Variants in PHKB observed in about 807,000 individuals in gnomAD.
PHKB encodes phosphorylase kinase regulatory subunit beta.
PHKB carries 122 observed loss-of-function variants against 152.1 expected under a neutral mutation model. The observed-to-expected ratio is 0.80, with a 90% CI of 0.69 to 0.93. PHKB has a LOEUF of 0.93. Among genes scored for constraint, PHKB ranks in the 40% least tolerant of loss-of-function variants. The pLI, the probability that PHKB is intolerant of heterozygous loss-of-function variation, is 0.00. For synonymous variants in PHKB, 436 were observed against 464.9 expected, an observed-to-expected ratio of 0.94 and a Z score of 0.80; for missense variants, 1,304 against 1,328.4, an observed-to-expected ratio of 0.98 and a Z score of 0.29.
chr16:47,632,173 A>C (rs1009488057), intron 14 of PHKB, among the ~76,000 whole-genome samples: 4 of 152,204 alleles, frequency 2.6e-5, no homozygotes, highest in African/African-American at 7.2e-5. Context: ...TTACCCACAT[A>C]ATCCAGTGGT....
chr16:47,675,271 G>T (rs1276385207), intron 26 of PHKB, among the ~76,000 whole-genome samples: 1 of 152,178 alleles, frequency 6.6e-6, no homozygotes, highest in Non-Finnish European at 1.5e-5. Context: ...TAACAGCGGG[G>T]CTATGCCTGC....
rs1567345529 is a variant in PHKB, at chr16:47,660,676, T to C, written c.2053T>C (p.Phe685Leu). Residue 685 changes from phenylalanine to leucine, a missense_variant, in exon 22 of 31, where the codon TTT (phenylalanine) becomes CTT (leucine). By Grantham distance (22) the Phe-to-Leu change is conservative. Transcript: ENST00000323584. The part of the protein sequence containing the change: ...DTEELPEFKS[F>L]EELEPPKHSK... ...TTTTAGGCTTCCAGAATTTAAGAGT[T>C]TTGAGGAACTAGAACCTCCCAAACA... The C allele has an allele frequency of 1.4e-5, 23 of 1,614,126 alleles. No homozygotes were observed. The highest frequency in any genetic ancestry group is 1.9e-5 in the Non-Finnish European group (23 of 1,179,982).
At chr16:47,686,618 AGTCT>A (rs1316168096) in intron 26 of PHKB, among the ~76,000 whole-genome samples, 1 of 152,218 alleles carries the variant, frequency 6.6e-6, no homozygotes, top group Non-Finnish European at 1.5e-5. Flanking sequence ...TTGGTATTTA[AGTCT>A]GTCTTTGCTT....
At chr16:47,607,181 A>G (rs951039894) in intron 13 of PHKB, among the ~76,000 whole-genome samples, 59 of 152,078 alleles carry the variant, frequency 3.9e-4, no homozygotes, top group African/African-American at 1.4e-3. Context: ...TTTACATACC[A>G]TATATTTTAC....
chr16:47,511,825 T>G, intron 5 of PHKB, 53 bp downstream of exon 5: 1 of 1,199,204 alleles, frequency 8.3e-7, no homozygotes, highest in Non-Finnish European at 1.2e-6. Context: ...CATAGAACAG[T>G]GATCCCCAAC....
chr16:47,693,602 G>A, intron 28 of PHKB, 95 bp downstream of exon 28: 2 of 1,293,024 alleles, frequency 1.5e-6, no homozygotes, highest in Non-Finnish European at 2.2e-6. Flanking sequence ...CTCCTTTTCA[G>A]CGTTCTAAGA....
At chr16:47,648,140 GAAAT>G (rs1335778666) in intron 16 of PHKB, among the ~76,000 whole-genome samples, 4 of 152,016 alleles carry the variant, frequency 2.6e-5, no homozygotes, top group Non-Finnish European at 5.9e-5. Flanking sequence ...ATTTTGGTGG[GAAAT>G]ACTTAAAGGT....
rs763812541 is a variant in PHKB, at chr16:47,461,342, C to T, written c.-9C>T. The T allele has an allele frequency of 5.6e-6, 9 of 1,606,094 alleles. No homozygotes were observed. Among genetic ancestry groups the T allele is most frequent in the Non-Finnish European group, 7.6e-6 (9 of 1,176,672 alleles). On this transcript the variant is annotated 5_prime_UTR_variant, in exon 1 of 31. Transcript: ENST00000323584. The stretch of plus-strand genomic sequence containing the variant: ...CGGGGGCGGTGGCCAAGGCGGCGAC[C>T]GGAGCGCGATGGCGGGGGCGGCGGG...
At chr16:47,643,974 A>G (rs1164779238) in intron 16 of PHKB, among the ~76,000 whole-genome samples, 1 of 152,154 alleles carries the variant, frequency 6.6e-6, no homozygotes, top group East Asian at 1.9e-4. Context: ...GGTGCACTAA[A>G]TGGTATGAAT....
chr16:47,537,872 TTCTC>T (rs34841624), intron 6 of PHKB, among the ~76,000 whole-genome samples: 359 of 143,424 alleles, frequency 2.5e-3, no homozygotes, highest in South Asian at 6.2e-3. Flanking sequence ...ACGTGGAAAA[TTCTC>T]TCTCTCTCTC....
At chr16:47,566,914 A>G in intron 7 of PHKB, 1 of 603,628 alleles carries the variant, frequency 1.7e-6, no homozygotes, top group Non-Finnish European at 3.0e-6. Flanking sequence ...AATGGGTCAC[A>G]CTGGAAACTG....
intron 23 of PHKB, 74 bp from the exon 24 acceptor site, chr16:47,663,603 C>G: frequency 8.0e-7 from 1 of 1,257,760 alleles, no homozygotes; most frequent in Non-Finnish European, 1.2e-6. Flanking sequence ...AAAATGAGTA[C>G]TTTTAAGAGG....
At chr16:47,526,641 A>C (rs960835742) in intron 6 of PHKB, among the ~76,000 whole-genome samples, 2 of 152,196 alleles carry the variant, frequency 1.3e-5, no homozygotes, top group Admixed American at 1.3e-4. Context: ...AAGAAAAAAA[A>C]ATAGCTTTTA....
In PHKB at chr16:47,647,501, CT is replaced by C. The variant is rs1200871635; in HGVS notation, c.1609-1018del. The stretch of plus-strand genomic sequence containing the variant: ...AAAATGCATAGACTCATTTTAACAT[CT>C]TTTTTTTTTTTTTGAGACGGAGTCT... On this transcript the variant is annotated intron_variant, in intron 16 of 30. Coordinates refer to ENST00000323584, the MANE Select transcript of PHKB (RefSeq NM_000293.3). Among the ~76,000 whole-genome samples, 361 of 144,510 alleles carry C rather than the reference CT, an allele frequency of 2.5e-3. 1 individual carries two copies. The highest frequency in any genetic ancestry group is 3.6e-3 in the African/African-American group (144 of 39,766). The allele number at this position is 144,510 out of a possible 152,430, so 94.8% of individuals were successfully genotyped here.
At chr16:47,627,917 T>TA (rs1972739819) in intron 14 of PHKB, among the ~76,000 whole-genome samples, 2 of 152,166 alleles carry the variant, frequency 1.3e-5, no homozygotes, top group Non-Finnish European at 2.9e-5. Flanking sequence ...CCAGTTGGAA[T>TA]TGAGATGTAT....
intron 16 of PHKB, among the ~76,000 whole-genome samples, chr16:47,648,152 G>C (rs1427704986): frequency 6.6e-6 from 1 of 152,054 alleles, no homozygotes; most frequent in African/African-American, 2.4e-5. Flanking sequence ...AATACTTAAA[G>C]GTGGAAATTT....
intron 4 of PHKB, among the ~76,000 whole-genome samples, chr16:47,510,551 A>G (rs1472591366): frequency 6.6e-6 from 1 of 152,226 alleles, no homozygotes; most frequent in East Asian, 1.9e-4. Context: ...AAGGTAGACC[A>G]AATGTGTATT....
rs368293023 is a variant in PHKB, at chr16:47,499,905, G to A, written c.305+11G>A. On this transcript the variant is annotated intron_variant, in intron 3 of 30. Coordinates refer to ENST00000323584, the MANE Select transcript of PHKB (RefSeq NM_000293.3). ...GGCTCTTGCATACAGGTGAGCTGGT[G>A]TGTGTTCTCCTCGTAACTTTGAGAG... The A allele has an allele frequency of 1.9e-6, 3 of 1,614,022 alleles. No homozygotes were observed. Among genetic ancestry groups the A allele is most frequent in the South Asian group, 1.1e-5 (1 of 91,084 alleles).
intron 26 of PHKB, among the ~76,000 whole-genome samples, chr16:47,684,836 A>G (rs888999345): frequency 3.3e-5 from 5 of 152,154 alleles, no homozygotes; most frequent in Admixed American, 6.5e-5. Context: ...TCTGAAGAAT[A>G]CTAACATTCC....
Sources: gnomAD v4.1 joint callset for allele counts (sites outside exome capture counted in the v4.1 genomes callset) on GRCh38, gnomAD v4.1.1 for gene constraint, MANE v1.5 for transcripts, NCBI Gene and HGNC (gene_info 2026-07-23, HGNC 2026-07-21) for gene names.